Variants in CALD1 observed in about 807,000 individuals in gnomAD.
The protein encoded by CALD1 is caldesmon 1, also known as caldesmon.
CALD1 carries 33 observed loss-of-function variants against 99.9 expected under a neutral mutation model. The ratio of observed to expected loss-of-function variants is 0.33; its 90% confidence interval spans 0.25 to 0.44. The LOEUF (loss-of-function observed/expected upper bound fraction) is 0.44. CALD1 is among the 20% of genes least tolerant of loss of function. The pLI, the probability that CALD1 is intolerant of heterozygous loss-of-function variation, is 1.00. For synonymous variants in CALD1, 310 were observed against 325.0 expected, an observed-to-expected ratio of 0.95 and a Z score of 0.50; for missense variants, 861 against 962.1, an observed-to-expected ratio of 0.89 and a Z score of 1.39.
the CALD1 span, among the ~76,000 whole-genome samples, chr7:134,731,278 C>G: frequency 1.3e-5 from 2 of 152,164 alleles, no homozygotes; most frequent in African/African-American, 4.8e-5. Context: ...AACAAACAAA[C>G]ATAAAAACAC....
chr7:134,846,669 A>G (rs1341845805), intron 2 of CALD1, among the ~76,000 whole-genome samples: 1 of 152,040 alleles, frequency 6.6e-6, no homozygotes, highest in Admixed American at 6.6e-5. Flanking sequence ...CTTGAGCTTC[A>G]GGGTGATTTT....
At chr7:134,888,665 G>C (rs576347128) in intron 3 of CALD1, among the ~76,000 whole-genome samples, 7 of 152,246 alleles carry the variant, frequency 4.6e-5, no homozygotes, top group African/African-American at 1.7e-4. Flanking sequence ...GTCTGAACCA[G>C]GTCCAAGACT....
At chr7:134,770,521 T>C (rs1396995182) in intron 1 of CALD1, among the ~76,000 whole-genome samples, 1 of 152,088 alleles carries the variant, frequency 6.6e-6, no homozygotes, top group Non-Finnish European at 1.5e-5. Flanking sequence ...CTTGTAGGTG[T>C]GTCGCTTCCA....
intron 1 of CALD1, among the ~76,000 whole-genome samples, chr7:134,832,937 C>T (rs1401979175): frequency 1.3e-5 from 2 of 152,188 alleles, no homozygotes; most frequent in Non-Finnish European, 2.9e-5. Flanking sequence ...GTCACAATCA[C>T]ATCTTTATGT....
chr7:134,872,260 G>A (rs1472912090), intron 3 of CALD1, among the ~76,000 whole-genome samples: 4 of 151,178 alleles, frequency 2.6e-5, no homozygotes, highest in African/African-American at 9.7e-5. Flanking sequence ...TGGAGGCTGA[G>A]GTAAGGAGAA....
At chr7:134,934,384 T>C (rs1365005417) in intron 5 of CALD1, among the ~76,000 whole-genome samples, 1 of 152,148 alleles carries the variant, frequency 6.6e-6, no homozygotes, top group African/African-American at 2.4e-5. Flanking sequence ...AGATGATAAA[T>C]GTGGTGGTGG....
At chr7:134,923,384 A>T (rs2132838146) in intron 3 of CALD1, among the ~76,000 whole-genome samples, 1 of 152,336 alleles carries the variant, frequency 6.6e-6, no homozygotes, top group African/African-American at 2.4e-5. Flanking sequence ...AATGCATTTG[A>T]TTTAAACTCT....
At chr7:134,775,036 A>G (rs1401888124), upstream of CALD1, among the ~76,000 whole-genome samples, 1 of 148,962 alleles carries the variant, frequency 6.7e-6, no homozygotes, top group African/African-American at 2.5e-5. Flanking sequence ...GATAAAAAAA[A>G]TTCACCTTCA....
chr7:134,869,271 G>A (rs1365761708), intron 3 of CALD1, among the ~76,000 whole-genome samples: 1 of 152,178 alleles, frequency 6.6e-6, no homozygotes, highest in African/African-American at 2.4e-5. Flanking sequence ...CCTGGTGCAA[G>A]AAACCTGTTG....
intron 1 of CALD1, among the ~76,000 whole-genome samples, chr7:134,833,328 GA>G (rs1277590933): frequency 6.6e-6 from 1 of 152,160 alleles, no homozygotes; most frequent in Non-Finnish European, 1.5e-5. Flanking sequence ...TATTAATGTG[GA>G]AATGGGTTTC....
intron 1 of CALD1, among the ~76,000 whole-genome samples, chr7:134,831,320 AT>A (rs1799210347): frequency 6.6e-6 from 1 of 151,872 alleles, no homozygotes; most frequent in Non-Finnish European, 1.5e-5. Flanking sequence ...TTTCTGCATA[AT>A]TTCTTTCTTT....
At chr7:134,842,045 T>A (rs1156678638) in intron 1 of CALD1, among the ~76,000 whole-genome samples, 1 of 152,172 alleles carries the variant, frequency 6.6e-6, no homozygotes, top group African/African-American at 2.4e-5. Flanking sequence ...CATCCTGCTG[T>A]TTTTTATTTG....
At chr7:134,799,656 T>C (rs1160468310) in intron 1 of CALD1, among the ~76,000 whole-genome samples, 3 of 152,186 alleles carry the variant, frequency 2.0e-5, no homozygotes. Flanking sequence ...CACTAGACTT[T>C]TACAGAGGTT....
intron 3 of CALD1, among the ~76,000 whole-genome samples, chr7:134,900,848 A>G (rs929455635): frequency 6.6e-6 from 1 of 152,056 alleles, no homozygotes; most frequent in Non-Finnish European, 1.5e-5. Flanking sequence ...AAGACCCCCG[A>G]AGAGAAATGG....
chr7:134,898,399 T>C (rs562146518), intron 3 of CALD1, among the ~76,000 whole-genome samples: 2 of 152,328 alleles, frequency 1.3e-5, no homozygotes, highest in South Asian at 4.1e-4. Flanking sequence ...GGACCATTTG[T>C]TCTTTGTAGA....
intron 5 of CALD1, among the ~76,000 whole-genome samples, chr7:134,934,474 G>A (rs749625165): frequency 1.7e-4 from 26 of 152,120 alleles, no homozygotes; most frequent in Non-Finnish European, 3.5e-4. Flanking sequence ...TCTGCATGAG[G>A]CAAGAGGCCC....
At chr7:134,773,782 CTGTGTGTGTGTGTG>C (rs36104737) in intron 1 of CALD1, among the ~76,000 whole-genome samples, 77 of 138,744 alleles carry the variant, frequency 5.5e-4, no homozygotes, top group African/African-American at 1.3e-3. Flanking sequence ...AACCTCTCTT[CTGTGTGTGTGTGTG>C]TGTGTGTGTG....
intron 2 of CALD1, among the ~76,000 whole-genome samples, chr7:134,845,222 T>C (rs1347548617): frequency 6.6e-6 from 1 of 152,178 alleles, no homozygotes; most frequent in Non-Finnish European, 1.5e-5. Context: ...GTGTGCCTTT[T>C]ACATCTCTCA....
intron 4 of CALD1, among the ~76,000 whole-genome samples, chr7:134,929,371 C>T (rs1037505923): frequency 1.8e-4 from 28 of 151,538 alleles, no homozygotes; most frequent in Non-Finnish European, 3.8e-4. Context: ...ACGCCCAATG[C>T]GCAGTATTTT....
Sources: allele counts gnomAD v4.1 joint callset (sites outside exome capture counted in the v4.1 genomes callset), GRCh38; gene constraint gnomAD v4.1.1; transcripts MANE v1.5; gene names NCBI Gene and HGNC (gene_info 2026-07-23, HGNC 2026-07-21).